Variants in CNKSR3 observed in about 807,000 individuals in gnomAD.
The protein encoded by CNKSR3 is connector enhancer of kinase suppressor of ras 3.
Under a neutral mutation model 67.7 loss-of-function variants are expected in CNKSR3, and 36 were observed. The observed-to-expected ratio is 0.53, with a 90% confidence interval of 0.41 to 0.70. CNKSR3 has a LOEUF of 0.70. CNKSR3 is among the 30% of genes least tolerant of loss of function. CNKSR3 has a pLI of 0.00. For synonymous variants in CNKSR3, 281 were observed against 271.4 expected (o/e 1.04, Z -0.35); for missense variants, 630 against 695.2 (o/e 0.91, Z 1.05).
chr6:154,421,917 T>C (rs539066232), intron 9 of CNKSR3, among the ~76,000 whole-genome samples: 2 of 152,188 alleles, frequency 1.3e-5, no homozygotes, highest in East Asian at 3.9e-4. Context: ...TCACCAGCCA[T>C]ATGTGAATAT....
At chr6:154,483,103 G>C (rs1371537821) in intron 1 of CNKSR3, among the ~76,000 whole-genome samples, 1 of 152,132 alleles carries the variant, frequency 6.6e-6, no homozygotes, top group Non-Finnish European at 1.5e-5. Flanking sequence ...CATCTTGGAC[G>C]AAGGACAGGA....
At chr6:154,506,874 T>C (rs1394195521) in intron 1 of CNKSR3, among the ~76,000 whole-genome samples, 2 of 152,244 alleles carry the variant, frequency 1.3e-5, no homozygotes, top group African/African-American at 4.8e-5. Context: ...ATGAGACTCC[T>C]CCGCTACCAT....
Position 154,470,165 on chromosome 6 carries a change from TAATA to T in CNKSR3, c.53-19911_53-19908del, listed in dbSNP as rs1036319969. Among the ~76,000 whole-genome samples the T allele has an allele frequency of 4.1e-5, 6 of 145,100 alleles. No homozygotes were observed. In the Admixed American group the frequency reaches 4.2e-4, roughly 10 times the overall value. On this transcript the variant is annotated intron_variant, in intron 1 of 12. Transcript: ENST00000607772. ...TTATTTCTTATTCTCCCAACTCCTG[TAATA>T]AAGAACCTACTTTCTTTCCTTTTTT...
intron 1 of CNKSR3, among the ~76,000 whole-genome samples, chr6:154,481,348 T>C (rs1786563544): frequency 7.2e-6 from 1 of 139,026 alleles, no homozygotes; most frequent in African/African-American, 2.6e-5. Context: ...GATAGCAGTC[T>C]TATGCTTATT....
At chr6:154,466,875 T>C (rs1786213791) in intron 1 of CNKSR3, among the ~76,000 whole-genome samples, 2 of 151,502 alleles carry the variant, frequency 1.3e-5, no homozygotes, top group South Asian at 4.2e-4. Flanking sequence ...TCCACCCACC[T>C]GAGCCTCCTA....
intron 1 of CNKSR3, among the ~76,000 whole-genome samples, chr6:154,460,293 G>C (rs1786051767): frequency 6.6e-6 from 1 of 152,142 alleles, no homozygotes; most frequent in Non-Finnish European, 1.5e-5. Flanking sequence ...CTCCTTCTTT[G>C]CTCCTCCCTC....
At chr6:154,469,718 C>A (rs575219061) in intron 1 of CNKSR3, among the ~76,000 whole-genome samples, 1 of 152,232 alleles carries the variant, frequency 6.6e-6, no homozygotes, top group South Asian at 2.1e-4. Context: ...CAAGGTTATG[C>A]AACAATCACC....
chr6:154,436,056 C>T (rs949110761), intron 4 of CNKSR3, among the ~76,000 whole-genome samples: 5 of 152,116 alleles, frequency 3.3e-5, no homozygotes, highest in Non-Finnish European at 4.4e-5. Flanking sequence ...ATGTGTCAAG[C>T]GTGGATGCAC....
At chr6:154,424,014 C>T (rs572850270) in intron 7 of CNKSR3, among the ~76,000 whole-genome samples, 3 of 152,142 alleles carry the variant, frequency 2.0e-5, no homozygotes, top group South Asian at 2.1e-4. Context: ...GGGCGGATCA[C>T]GAGGTCAGGA....
intron 4 of CNKSR3, among the ~76,000 whole-genome samples, chr6:154,434,281 T>G (rs1250280959): frequency 2.0e-5 from 3 of 150,840 alleles, no homozygotes; most frequent in Non-Finnish European, 4.4e-5. Flanking sequence ...AGAACTCATC[T>G]GTAGCAAAGG....
intron 1 of CNKSR3, among the ~76,000 whole-genome samples, chr6:154,501,898 A>G (rs138699177): frequency 2.6e-4 from 40 of 152,330 alleles, no homozygotes; most frequent in Non-Finnish European, 5.0e-4. Flanking sequence ...GGAAACAATG[A>G]GAAGACCGAA....
chr6:154,422,463 A>T, intron 9 of CNKSR3, 43 bp downstream of exon 9: 1 of 1,583,088 alleles, frequency 6.3e-7, no homozygotes, highest in Non-Finnish European at 8.6e-7. Context: ...CTAATGAGAT[A>T]CTCAACATTG....
chr6:154,432,172 G>A (rs1785381917), intron 5 of CNKSR3, among the ~76,000 whole-genome samples: 1 of 152,192 alleles, frequency 6.6e-6, no homozygotes, highest in African/African-American at 2.4e-5. Flanking sequence ...AGCGTTTGGT[G>A]TTGTCAGTGT....
chr6:154,485,516 G>A (rs1003462875), intron 1 of CNKSR3, among the ~76,000 whole-genome samples: 3 of 152,120 alleles, frequency 2.0e-5, no homozygotes, highest in African/African-American at 7.2e-5. Flanking sequence ...AGGCAAATCA[G>A]GTCAACTTTT....
chr6:154,500,383 A>G (rs983327466), intron 1 of CNKSR3, among the ~76,000 whole-genome samples: 2 of 152,150 alleles, frequency 1.3e-5, no homozygotes, highest in African/African-American at 4.8e-5. Flanking sequence ...GGTTATCCTC[A>G]GGAAAGCATG....
chr6:154,505,707 G>A (rs1003681110), intron 1 of CNKSR3, among the ~76,000 whole-genome samples: 5 of 149,118 alleles, frequency 3.4e-5, no homozygotes, highest in African/African-American at 1.2e-4. Flanking sequence ...TCACCATGTT[G>A]GTCAGGATGG....
At chr6:154,421,865 C>A (rs1331703649) in intron 9 of CNKSR3, among the ~76,000 whole-genome samples, 1 of 151,862 alleles carries the variant, frequency 6.6e-6, no homozygotes, top group East Asian at 1.9e-4. Context: ...GAACTTTCTG[C>A]AATAATGAAA....
At chr6:154,420,841 CA>C (rs1342458719) in intron 9 of CNKSR3, among the ~76,000 whole-genome samples, 1 of 151,970 alleles carries the variant, frequency 6.6e-6, no homozygotes, top group Non-Finnish European at 1.5e-5. Context: ...TTAGCCATTC[CA>C]AAATGTAAAC....
In CNKSR3 at chr6:154,399,067, G is replaced by A. The variant is rs2128708975; in HGVS notation, c.*7287C>T. 1 of 146,556 alleles carries A rather than the reference G, an allele frequency of 6.8e-6. No individual in the cohort carries two copies. The highest frequency in any genetic ancestry group is 2.0e-4 in the East Asian group (1 of 5,064). 9.1% of individuals were successfully genotyped at this position (146,556 alleles called of 1,614,324 possible). A position where few individuals can be genotyped will look rare whatever the true frequency, so the allele number is the denominator to read the frequency against. ...GCACTCCAGCCTGGGCAACAAGACT[G>A]AAACTCCGTCTCAAAAAAAAAAAAA... On this transcript the variant is annotated 3_prime_UTR_variant, in exon 13 of 13. Transcript: ENST00000607772.
Sources: gnomAD v4.1 joint callset for allele counts (sites outside exome capture counted in the v4.1 genomes callset) on GRCh38, gnomAD v4.1.1 for gene constraint, MANE v1.5 for transcripts, NCBI Gene and HGNC (gene_info 2026-07-23, HGNC 2026-07-21) for gene names.